Variants in CSMD1 observed in about 807,000 individuals in gnomAD.
CSMD1 encodes CUB and sushi domain-containing protein 1.
In CSMD1, 213 loss-of-function variants were observed where a neutral mutation model predicts 417.5. That is an observed-to-expected ratio of 0.51 (90% CI 0.46 to 0.57). CSMD1 has a LOEUF of 0.57. CSMD1 is among the 20% of genes least tolerant of loss of function. The pLI, the probability that CSMD1 is intolerant of heterozygous loss-of-function variation, is 0.00. For missense variants in CSMD1, 6,923 were observed against 4,529.7 expected, an observed-to-expected ratio of 1.53 and a Z score of -15.17; for synonymous variants, 2,862 against 1,736.8, an observed-to-expected ratio of 1.65 and a Z score of -16.11.
chr8:4,134,509 G>T (rs1803300564), intron 3 of CSMD1, among the ~76,000 whole-genome samples: 1 of 152,184 alleles, frequency 6.6e-6, no homozygotes, highest in Non-Finnish European at 1.5e-5. Context: ...CCAGCCTCCA[G>T]AACTGTGAGA....
intron 5 of CSMD1, among the ~76,000 whole-genome samples, chr8:3,910,127 G>T (rs868408967): frequency 6.6e-6 from 1 of 152,178 alleles, no homozygotes; most frequent in Non-Finnish European, 1.5e-5. Flanking sequence ...GATAATAACA[G>T]TGTGTGAGCT....
chr8:3,966,856 T>C (rs1239517098), intron 5 of CSMD1, among the ~76,000 whole-genome samples: 3 of 152,222 alleles, frequency 2.0e-5, no homozygotes, highest in African/African-American at 7.2e-5. Context: ...TAAGCTCTAT[T>C]ATGCTGCATA....
chr8:4,699,393 G>A (rs972950194), intron 1 of CSMD1, among the ~76,000 whole-genome samples: 14 of 152,054 alleles, frequency 9.2e-5, no homozygotes, highest in Admixed American at 9.2e-4. Context: ...ACCTTGTACT[G>A]ATCACTCTAT....
rs567133752 is a variant in CSMD1 at position 3,982,040 on chromosome 8, G to A, written c.818+15863C>T. Among the ~76,000 whole-genome samples the A allele has an allele frequency of 1.5e-3, 224 of 151,770 alleles. 1 individual carries two copies. Among genetic ancestry groups the A allele is most frequent in the African/African-American group, 5.1e-3 (211 of 41,402 alleles). ...CAAAAAATTAGCCTGGCGCGGTGAC[G>A]GTCGCCTGTAATCCCAGCTACGCAG... On this transcript the variant is annotated intron_variant, in intron 5 of 69. Transcript: ENST00000635120.
intron 3 of CSMD1, among the ~76,000 whole-genome samples, chr8:4,267,880 T>A (rs1467039941): frequency 1.3e-5 from 2 of 152,076 alleles, no homozygotes; most frequent in East Asian, 3.8e-4. Context: ...GTGATTAAAT[T>A]TTTTTTAAAC....
chr8:4,912,700 T>A (rs539289286), intron 1 of CSMD1, among the ~76,000 whole-genome samples: 235 of 152,302 alleles, frequency 1.5e-3, no homozygotes, highest in Non-Finnish European at 1.9e-3. Context: ...GTTTTTGGTC[T>A]AAGGGAAACA....
At chr8:3,941,846 A>C (rs1197077769) in intron 5 of CSMD1, among the ~76,000 whole-genome samples, 1 of 152,074 alleles carries the variant, frequency 6.6e-6, no homozygotes, top group Admixed American at 6.6e-5. Context: ...CTTAAACCAA[A>C]AGGGTCCCCA....
intron 5 of CSMD1, among the ~76,000 whole-genome samples, chr8:3,926,082 TACACACACACACACACACACACACAC>T (rs58966907): frequency 0.2 from 21,217 of 103,894 alleles, 2,384 homozygotes; most frequent in Admixed American, 0.29. Flanking sequence ...ACAAACACCA[TACACACACACACACACACACACACAC>T]ACACACACAC....
chr8:4,070,717 C>T (rs546888003), intron 3 of CSMD1, among the ~76,000 whole-genome samples: 3 of 152,202 alleles, frequency 2.0e-5, no homozygotes, highest in Non-Finnish European at 2.9e-5. Context: ...AGGTTGTTTC[C>T]ATGAAGCCCG....
intron 12 of CSMD1, among the ~76,000 whole-genome samples, chr8:3,421,133 T>C (rs1462618544): frequency 6.6e-6 from 1 of 152,224 alleles, no homozygotes; most frequent in African/African-American, 2.4e-5. Flanking sequence ...AAATTACATC[T>C]TTAACATTCT....
chr8:3,666,553 G>C (rs959872546), intron 7 of CSMD1, among the ~76,000 whole-genome samples: 6 of 152,062 alleles, frequency 3.9e-5, no homozygotes, highest in African/African-American at 1.4e-4. Context: ...GATATGGTTT[G>C]GCTGTGTCCC....
chr8:3,955,072 A>G (rs773136556), intron 5 of CSMD1, among the ~76,000 whole-genome samples: 11 of 152,152 alleles, frequency 7.2e-5, no homozygotes, highest in African/African-American at 2.4e-4. Flanking sequence ...ATTATGAACC[A>G]TCACCTGACA....
chr8:3,917,996 G>C (rs961632235), intron 5 of CSMD1, among the ~76,000 whole-genome samples: 1 of 151,954 alleles, frequency 6.6e-6, no homozygotes. Context: ...ATGTCTTCCC[G>C]ATTCACGCAT....
chr8:4,846,214 C>CT (rs1801137368), intron 1 of CSMD1, among the ~76,000 whole-genome samples: 1 of 152,042 alleles, frequency 6.6e-6, no homozygotes, highest in Non-Finnish European at 1.5e-5. Flanking sequence ...TCTTTTTTTT[C>CT]TTTTTGACCT....
chr8:4,634,554 C>G (rs1004065270), intron 2 of CSMD1, among the ~76,000 whole-genome samples: 7 of 152,162 alleles, frequency 4.6e-5, no homozygotes, highest in African/African-American at 1.7e-4. Flanking sequence ...TAAGCAATAA[C>G]TTTTGTGACA....
rs748205476 is a variant in CSMD1, at chr8:3,052,620, G to A, written c.7502C>T (p.Pro2501Leu). 1.2e-6 allele frequency: 2 copies of A among 1,610,460 alleles called. No homozygotes were observed. Among genetic ancestry groups the A allele is most frequent in the East Asian group, 2.2e-5 (1 of 44,774 alleles). The part of the protein sequence containing the change: ...QAVSCGIPES[P>L]GNGSFTGNEF... ...GTTCCCGGTAAATGAACCGTTTCCT[G>A]GGGATTCTGGGATTCCACAGGACAC... The change falls in exon 50 of 70, where the codon CCA becomes CTA. Residue 2501 changes from proline to leucine, a missense_variant. Pro to Leu is a moderately conservative substitution (Grantham distance 98). Transcript: ENST00000635120.
chr8:3,255,823 G>A (rs910858831), intron 26 of CSMD1, among the ~76,000 whole-genome samples: 7 of 152,184 alleles, frequency 4.6e-5, no homozygotes, highest in African/African-American at 1.7e-4. Flanking sequence ...CCCGGGTGAT[G>A]TGATGCCTCA....
At chr8:4,823,664 C>T (rs1347820020) in intron 1 of CSMD1, among the ~76,000 whole-genome samples, 1 of 152,044 alleles carries the variant, frequency 6.6e-6, no homozygotes. Context: ...AATCACAACA[C>T]TGACATATAA....
At chr8:3,458,012 A>C (rs1009676271) in intron 12 of CSMD1, among the ~76,000 whole-genome samples, 1 of 152,216 alleles carries the variant, frequency 6.6e-6, no homozygotes, top group African/African-American at 2.4e-5. Flanking sequence ...CATAATTCGC[A>C]AATATCATTA....
Sources: allele counts gnomAD v4.1 joint callset (sites outside exome capture counted in the v4.1 genomes callset), GRCh38; gene constraint gnomAD v4.1.1; transcripts MANE v1.5; gene names NCBI Gene and HGNC (gene_info 2026-07-23, HGNC 2026-07-21).